Variants in TUT7 observed in about 807,000 individuals in gnomAD.
TUT7 encodes terminal uridylyl transferase 7, also known as terminal uridylyltransferase 7.
Under a neutral mutation model 165.9 loss-of-function variants are expected in TUT7, and 33 were observed. The ratio of observed to expected loss-of-function variants is 0.20; its 90% CI spans 0.15 to 0.27. The LOEUF is 0.27. Among genes scored for constraint, TUT7 ranks in the 10% least tolerant of loss-of-function variants. The probability of loss-of-function intolerance (pLI) is 1.00; values close to 1 mark genes in which losing one functional copy is unlikely to be tolerated. For synonymous variants in TUT7, 552 were observed against 608.1 expected (o/e 0.91, Z 1.36); for missense variants, 1,338 against 1,762.3 (o/e 0.76, Z 4.31).
At chr9:86,333,243 A>G (rs939110613) in intron 10 of TUT7, among the ~76,000 whole-genome samples, 2 of 152,314 alleles carry the variant, frequency 1.3e-5, no homozygotes, top group Middle Eastern at 3.4e-3. Flanking sequence ...GCCCCCAACT[A>G]TATTCAATCT....
intron 15 of TUT7, 63 bp downstream of exon 15, chr9:86,319,521 C>G: frequency 1.8e-6 from 2 of 1,138,874 alleles, no homozygotes; most frequent in South Asian, 2.8e-5. Flanking sequence ...GCTTGTAACA[C>G]ATGAACTGAT....
Position 86,319,564 on chromosome 9 carries a change from A to T in TUT7, c.3115+20T>A. 6.5e-7 allele frequency: 1 copy of T among 1,540,640 alleles called. No individual in the cohort carries two copies. Among genetic ancestry groups the T allele is most frequent in the Non-Finnish European group, 8.8e-7 (1 of 1,133,464 alleles). On this transcript the variant is annotated intron_variant, in intron 15 of 26. Coordinates refer to ENST00000375963, the MANE Select transcript of TUT7 (RefSeq NM_024617.4). ...AAAGGTTACACTACTTTTCTTAAAA[A>T]TAAAAAATAAATCATTTACCTGGAA...
intron 22 of TUT7, 30 bp from the exon 23 acceptor site, chr9:86,305,269 G>T (rs1260719240): frequency 6.7e-7 from 1 of 1,486,676 alleles, no homozygotes; most frequent in South Asian, 1.3e-5. Flanking sequence ...AGCAAATAAG[G>T]TAATCAAATA....
chr9:86,311,980 C>T lies in TUT7; in HGVS notation c.3275-1171G>A, dbSNP rs1442444233. Among the ~76,000 whole-genome samples the T allele has an allele frequency of 6.6e-6, 1 of 152,190 alleles. No individual in the cohort carries two copies. Among genetic ancestry groups the T allele is most frequent in the East Asian group, 1.9e-4 (1 of 5,182 alleles). On this transcript the variant is annotated intron_variant, in intron 17 of 26. Transcript: ENST00000375963. The surrounding 1 kb of genome is among the most constrained non-coding windows in gnomAD (Gnocchi z 4.4). ...GATCTCGGCCCGCTACAACCTCCAC[C>T]TCCCAGCCGCCTGCCTTGGCCTCCC...
Position 86,323,384 on chromosome 9 carries a change from A to G in TUT7, c.2366T>C (p.Leu789Ser), listed in dbSNP as rs774584682. The G allele has an allele frequency of 3.7e-6, 6 of 1,614,146 alleles. No homozygotes were observed. In the South Asian group the frequency reaches 4.4e-5, roughly 12 times the overall value. Reference protein sequence around the residue: ...RNNESESTLDLEGFQNPTAKE... With the variant: ...RNNESESTLDSEGFQNPTAKE... ...AGCTGTGGGATTTTGGAAGCCTTCT[A>G]AATCCAAAGTGCTCTCTGACTCATT... The change falls in exon 13 of 27, where the codon TTA (leucine) becomes TCA (serine). Residue 789 changes from leucine (L) to serine (S), a missense_variant. Coordinates refer to ENST00000375963, the MANE Select transcript of TUT7 (RefSeq NM_024617.4).
intron 10 of TUT7, chr9:86,336,737 C>G (rs1830813963): frequency 6.6e-6 from 1 of 151,946 alleles, no homozygotes. Context: ...AAGGTAATAC[C>G]AAGGGATTAC....
chr9:86,346,236 T>C, intron 3 of TUT7, 63 bp downstream of exon 3: 2 of 1,525,172 alleles, frequency 1.3e-6, no homozygotes, highest in Non-Finnish European at 1.8e-6. Flanking sequence ...CATACTCAAT[T>C]AACAACAAAA....
intron 18 of TUT7, among the ~76,000 whole-genome samples, chr9:86,310,251 A>G (rs1277794025): frequency 6.6e-6 from 1 of 152,166 alleles, no homozygotes; most frequent in Admixed American, 6.5e-5. Context: ...AATATTTTAA[A>G]TAGGTTTACA....
intron 1 of TUT7, 65 bp from the exon 2 acceptor site, chr9:86,353,295 T>C: frequency 7.5e-7 from 1 of 1,331,246 alleles, no homozygotes; most frequent in Non-Finnish European, 1.0e-6. Flanking sequence ...GTATACAAAA[T>C]AACAATTTAT....
At chr9:86,300,267 T>TA (rs1229863925) in intron 26 of TUT7, among the ~76,000 whole-genome samples, 1 of 152,042 alleles carries the variant, frequency 6.6e-6, no homozygotes, top group Non-Finnish European at 1.5e-5. Context: ...TCTCCTGTCT[T>TA]AAAAAAAGAT....
chr9:86,294,005 C>T (rs1826092768), intron 26 of TUT7, among the ~76,000 whole-genome samples: 1 of 152,170 alleles, frequency 6.6e-6, no homozygotes, highest in South Asian at 2.1e-4. Context: ...CTCGGTGTCT[C>T]AAAGTACTAG....
chr9:86,341,203 A>G (rs1831292085), intron 6 of TUT7, 150 bp from the exon 7 acceptor site: 1 of 679,840 alleles, frequency 1.5e-6, no homozygotes, highest in African/African-American at 1.8e-5. Context: ...TGTTGTTTGC[A>G]TATGTCAGTC....
intron 14 of TUT7, among the ~76,000 whole-genome samples, 200 bp from the exon 15 acceptor site, chr9:86,319,870 T>A (rs184145739): frequency 8.5e-4 from 130 of 152,286 alleles, no homozygotes; most frequent in African/African-American, 2.9e-3. Context: ...TCTGGTTCTG[T>A]CGGCCAGGCT....
chr9:86,351,016 C>A (rs1832243600), intron 2 of TUT7, among the ~76,000 whole-genome samples: 1 of 151,900 alleles, frequency 6.6e-6, no homozygotes, highest in South Asian at 2.1e-4. Flanking sequence ...CACCTGTAGT[C>A]CCAGCTACTT....
At chr9:86,308,294 T>C (rs1235723501) in intron 22 of TUT7, 135 bp downstream of exon 22, 2 of 639,476 alleles carry the variant, frequency 3.1e-6, no homozygotes, top group Non-Finnish European at 4.8e-6. Flanking sequence ...AGAGAAAAGT[T>C]GGCCTGGTAT....
intron 4 of TUT7, 21 bp downstream of exon 4, chr9:86,345,648 T>C (rs763659245): frequency 3.9e-6 from 6 of 1,549,184 alleles, no homozygotes; most frequent in Non-Finnish European, 5.3e-6. Flanking sequence ...AGCAGACTTG[T>C]TTGGGTTACA....
chr9:86,324,940 C>T (rs1010525252), intron 12 of TUT7, among the ~76,000 whole-genome samples: 1 of 152,182 alleles, frequency 6.6e-6, no homozygotes, highest in Non-Finnish European at 1.5e-5. Context: ...AAGTATTGTC[C>T]TCACCTTTGC....
rs148296299 is a variant in TUT7 at position 86,326,082 on chromosome 9, C to A, written c.1609-568G>T. The stretch of plus-strand genomic sequence containing the variant: ...AGACTTCTGACAAGTTGGAACATAA[C>A]TGCGATGTAATATATTAGAAAGTAC... On this transcript the variant is annotated intron_variant, in intron 11 of 26. Transcript: ENST00000375963. Among the ~76,000 whole-genome samples the A allele has an allele frequency of 6.1e-4, 93 of 152,320 alleles. 1 individual carries two copies. The highest frequency in any genetic ancestry group is 5.0e-3 in the Admixed American group (77 of 15,294).
intron 10 of TUT7, among the ~76,000 whole-genome samples, chr9:86,330,630 G>C (rs964256983): frequency 6.6e-6 from 1 of 152,100 alleles, no homozygotes; most frequent in African/African-American, 2.4e-5. Flanking sequence ...TTTCTTTATT[G>C]ATTTTAGTAT....
Sources: allele counts gnomAD v4.1 joint callset (sites outside exome capture counted in the v4.1 genomes callset), GRCh38; gene constraint gnomAD v4.1.1; non-coding constraint Gnocchi (gnomAD v3.1); transcripts MANE v1.5; gene names NCBI Gene and HGNC (gene_info 2026-07-23, HGNC 2026-07-21).